DLC1: variants seen among roughly 807,000 people sequenced by gnomAD.
The protein encoded by DLC1 is rho GTPase-activating protein 7.
A neutral mutation model predicts 140.3 loss-of-function variants in DLC1; 54 were observed. That is an observed-to-expected ratio of 0.38 (90% CI 0.31 to 0.48). The LOEUF (loss-of-function observed/expected upper bound fraction) is 0.48. DLC1 is among the 20% of genes least tolerant of loss of function. DLC1 has a pLI of 0.96. For missense variants in DLC1, 2,536 were observed against 1,907.0 expected (o/e 1.33, Z -6.14); for synonymous variants, 986 against 728.1 (o/e 1.35, Z -5.70).
intron 1 of DLC1, among the ~76,000 whole-genome samples, chr8:13,595,255 A>G (rs1297352396): frequency 6.6e-6 from 1 of 152,064 alleles, no homozygotes; most frequent in Non-Finnish European, 1.5e-5. Flanking sequence ...TTTTTTTTAG[A>G]AAGACAGTAG....
intron 1 of DLC1, chr8:13,568,124 C>A (rs768840473): frequency 1.4e-6 from 1 of 728,032 alleles, no homozygotes; most frequent in African/African-American, 1.8e-5. Flanking sequence ...GTTATAAAAA[C>A]TTTTACAAAA....
At chr8:13,384,316 T>C (rs1294939543) in intron 4 of DLC1, among the ~76,000 whole-genome samples, 1 of 152,074 alleles carries the variant, frequency 6.6e-6, no homozygotes, top group African/African-American at 2.4e-5. Flanking sequence ...CACCCCACAA[T>C]CTTCCCTCGA....
At chr8:13,570,564 C>T (rs994644310) in intron 1 of DLC1, among the ~76,000 whole-genome samples, 6 of 147,010 alleles carry the variant, frequency 4.1e-5, no homozygotes, top group Non-Finnish European at 7.5e-5. Context: ...TTTGTTCTTG[C>T]GATAGTTTAC....
intron 5 of DLC1, among the ~76,000 whole-genome samples, chr8:13,120,356 A>AAAAAAAAAAAAAAAAAAATATATATAT: frequency 1.1e-4 from 7 of 61,122 alleles, no homozygotes; most frequent in Non-Finnish European, 1.1e-4. Context: ...AAAAAAAAAA[A>AAAAAAAAAAAAAAAAAAATATATATAT]ATATATATAT....
At chr8:13,369,429 A>G (rs1835635629) in intron 4 of DLC1, among the ~76,000 whole-genome samples, 1 of 149,866 alleles carries the variant, frequency 6.7e-6, no homozygotes, top group Admixed American at 6.7e-5. Flanking sequence ...TTGTTGTTAA[A>G]TCACATGGGC....
At chr8:13,593,935 A>T (rs1805602562) in intron 1 of DLC1, among the ~76,000 whole-genome samples, 1 of 152,112 alleles carries the variant, frequency 6.6e-6, no homozygotes, top group African/African-American at 2.4e-5. Context: ...ATGGAAAGAA[A>T]CTGCTAATGC....
In DLC1 at chr8:13,331,054, C is replaced by T. The variant is rs769689574; in HGVS notation, c.1315-25752G>A. ...AACCAGGAGGAGAAAAGCTCACTAC[C>T]TTCTTTATGATTCGCCCAGAGCCAG... On this transcript the variant is annotated intron_variant, in intron 4 of 17. Coordinates refer to ENST00000276297, the MANE Select transcript of DLC1 (RefSeq NM_182643.3). Among the ~76,000 whole-genome samples the T allele has an allele frequency of 3.3e-5, 5 of 152,124 alleles. No homozygotes were observed. The East Asian group carries it at 5.8e-4, about 18-fold the overall frequency.
chr8:13,317,717 A>C (rs954458782), intron 4 of DLC1, among the ~76,000 whole-genome samples: 3 of 152,134 alleles, frequency 2.0e-5, no homozygotes, highest in African/African-American at 7.2e-5. Flanking sequence ...ATAGAAGGAA[A>C]GGGAGAAGTT....
At chr8:13,253,755 A>T (rs1830103673) in intron 5 of DLC1, among the ~76,000 whole-genome samples, 1 of 152,184 alleles carries the variant, frequency 6.6e-6, no homozygotes, top group Non-Finnish European at 1.5e-5. Context: ...GGAGGAATTC[A>T]GTTAGTCTGA....
intron 4 of DLC1, among the ~76,000 whole-genome samples, chr8:13,381,271 C>G (rs1442543691): frequency 6.6e-6 from 1 of 152,132 alleles, no homozygotes; most frequent in Non-Finnish European, 1.5e-5. Flanking sequence ...AAAGAAGCCT[C>G]AGCCGGGAGA....
At chr8:13,494,112 T>A (rs1409242394) in intron 2 of DLC1, among the ~76,000 whole-genome samples, 1 of 152,212 alleles carries the variant, frequency 6.6e-6, no homozygotes, top group African/African-American at 2.4e-5. Context: ...GGAAAGGTAT[T>A]CTGTTGCATG....
In DLC1 at chr8:13,504,415, G is replaced by A. The variant is rs1293366179; in HGVS notation, c.-125-4219C>T. On this transcript the variant is annotated intron_variant, in intron 1 of 17. Coordinates refer to ENST00000276297, the MANE Select transcript of DLC1 (RefSeq NM_182643.3). ...GTTGGGATCACAGGCGTGAGCCACC[G>A]CGCCCGGCCTTCAGAGAACATTAAG... Among the ~76,000 whole-genome samples, 8 of 152,246 alleles carry A rather than the reference G, an allele frequency of 5.3e-5. No individual in the cohort carries two copies. The South Asian group carries it at 8.3e-4, about 16-fold the overall frequency.
At position 13,088,540 on chromosome 8, in the gene DLC1, C is replaced by G. The variant is rs770394943; in HGVS notation, c.4239G>C (p.Gln1413His). ...GAGGTGCCATACTGTTTTGGACATA[C>G]TGGTAAATTTCAGTTTGGCTGTCCA... ...EILDSQTEIY[Q>H]YVQNSMAPHP... Residue 1413 changes from glutamine (Q) to histidine (H), a missense_variant, in exon 16 of 18, where the codon CAG becomes CAC. Coordinates refer to ENST00000276297, the MANE Select transcript of DLC1 (RefSeq NM_182643.3). The G allele has an allele frequency of 6.2e-7, 1 of 1,614,178 alleles. No homozygotes were observed. Among genetic ancestry groups the G allele is most frequent in the Non-Finnish European group, 8.5e-7 (1 of 1,180,038 alleles).
At chr8:13,132,694 C>T (rs1274951106) in intron 5 of DLC1, among the ~76,000 whole-genome samples, 1 of 152,168 alleles carries the variant, frequency 6.6e-6, no homozygotes, top group Non-Finnish European at 1.5e-5. Flanking sequence ...CCGCCTGGTG[C>T]GCTGGCCCGC....
intron 5 of DLC1, among the ~76,000 whole-genome samples, chr8:13,135,001 C>T (rs1043042654): frequency 6.6e-6 from 1 of 152,016 alleles, no homozygotes; most frequent in Non-Finnish European, 1.5e-5. Flanking sequence ...TGTGAGGGCC[C>T]AGGAAATGGA....
intron 12 of DLC1, among the ~76,000 whole-genome samples, chr8:13,094,113 C>G (rs12056557): frequency 6.6e-6 from 1 of 152,212 alleles, no homozygotes; most frequent in East Asian, 1.9e-4. Flanking sequence ...TTTCTGTAGA[C>G]AAGGTGGAGA....
At chr8:13,462,286 C>T (rs1282557941) in intron 2 of DLC1, among the ~76,000 whole-genome samples, 1 of 152,042 alleles carries the variant, frequency 6.6e-6, no homozygotes, top group Non-Finnish European at 1.5e-5. Flanking sequence ...ATAACATATG[C>T]CATATGACCC....
At chr8:13,564,322 C>T (rs996295984) in intron 1 of DLC1, among the ~76,000 whole-genome samples, 3 of 152,140 alleles carry the variant, frequency 2.0e-5, no homozygotes, top group African/African-American at 4.8e-5. Flanking sequence ...GAGTGATATA[C>T]GATTCTTTCC....
chr8:13,213,169 T>C (rs1280048457), intron 5 of DLC1, among the ~76,000 whole-genome samples: 2 of 152,180 alleles, frequency 1.3e-5, no homozygotes, highest in Non-Finnish European at 2.9e-5. Flanking sequence ...AAGGAATTTA[T>C]AGGCTCTGAG....
Sources: gnomAD v4.1 joint callset for allele counts (sites outside exome capture counted in the v4.1 genomes callset) on GRCh38, gnomAD v4.1.1 for gene constraint, MANE v1.5 for transcripts, NCBI Gene and HGNC (gene_info 2026-07-23, HGNC 2026-07-21) for gene names.